The following CLIC5 variants were observed in gnomAD, a reference collection of about 807,000 sequenced individuals.
The protein encoded by CLIC5 is CLIC family member 5, also known as chloride intracellular channel protein 5.
A neutral mutation model predicts 24.7 loss-of-function variants in CLIC5; 20 were observed. The observed-to-expected ratio is 0.81, with a 90% CI of 0.57 to 1.18. CLIC5 has a LOEUF of 1.18. CLIC5 is among the 50% of genes most tolerant of loss of function. The pLI is 0.00. For synonymous variants in CLIC5, 159 were observed against 135.6 expected (o/e 1.17, Z -1.20); for missense variants, 341 against 326.1 (o/e 1.05, Z -0.35).
chr6:46,114,075 C>T, the CLIC5 span, among the ~76,000 whole-genome samples: 5 of 152,166 alleles, frequency 3.3e-5, no homozygotes, highest in African/African-American at 1.2e-4. Context: ...TTTAAAGAGA[C>T]ATTACACTCT....
chr6:46,100,511 GATT>G, the CLIC5 span, among the ~76,000 whole-genome samples: 1 of 152,172 alleles, frequency 6.6e-6, no homozygotes, highest in Non-Finnish European at 1.5e-5. Context: ...ACTAGCTACA[GATT>G]TGCAAACACC....
rs182550594 is a variant in CLIC5, at chr6:45,943,067, G to C, written c.300-1414C>G. 1.9e-3 allele frequency among the ~76,000 whole-genome samples: 289 copies of C among 152,300 alleles called. 9 individuals are homozygous for C. The South Asian group carries it at 0.052, about 27-fold the overall frequency. ...AGGCACTGTTCTATTCCCTTTACAC[G>C]TATTCACCATTTACTCCTCAGAACA... On this transcript the variant is annotated intron_variant, in intron 3 of 5. Coordinates refer to ENST00000339561, the MANE Select transcript of CLIC5 (RefSeq NM_016929.5).
the CLIC5 span, among the ~76,000 whole-genome samples, chr6:46,089,586 C>T: frequency 6.6e-6 from 1 of 152,086 alleles, no homozygotes; most frequent in Non-Finnish European, 1.5e-5. Flanking sequence ...TATCGGGTGA[C>T]ACAAATCCTT....
chr6:45,911,451 G>A (rs911670097), intron 5 of CLIC5, among the ~76,000 whole-genome samples: 1 of 152,196 alleles, frequency 6.6e-6, no homozygotes, highest in Non-Finnish European at 1.5e-5. Flanking sequence ...GTTGGGCCAA[G>A]TTCCTTTGAG....
the CLIC5 span, among the ~76,000 whole-genome samples, chr6:46,104,386 GCA>G: frequency 6.6e-6 from 1 of 152,150 alleles, no homozygotes; most frequent in Non-Finnish European, 1.5e-5. Flanking sequence ...CTTGAGGCCA[GCA>G]CAGTTTCTGT....
intron 5 of CLIC5, among the ~76,000 whole-genome samples, chr6:45,906,864 A>T (rs1243155618): frequency 2.0e-5 from 3 of 152,154 alleles, no homozygotes; most frequent in Non-Finnish European, 4.4e-5. Context: ...GCCCGGCCAC[A>T]TTGACTTTTT....
intron 1 of CLIC5, among the ~76,000 whole-genome samples, chr6:46,074,241 T>A (rs1422709408): frequency 6.6e-5 from 10 of 152,190 alleles, no homozygotes. Context: ...GGTGGTTAGA[T>A]AAAAGTTCAA....
rs1296346414 is a variant in CLIC5 at position 45,901,884 on chromosome 6, C to T, written c.*1204G>A. 6.6e-6 allele frequency: 1 copy of T among 152,352 alleles called. No homozygotes were observed. Among genetic ancestry groups the T allele is most frequent in the African/African-American group, 2.4e-5 (1 of 41,322 alleles). The allele number at this position is 152,352 out of a possible 1,614,324, so 9.4% of individuals were successfully genotyped here. On this transcript the variant is annotated 3_prime_UTR_variant, in exon 6 of 6. Coordinates refer to ENST00000339561, the MANE Select transcript of CLIC5 (RefSeq NM_016929.5). ...CTAGTCAGAAAGTCTCATGGACTTT[C>T]TTCCTAAGGTGTTCTATGATCAGAC...
chr6:46,002,049 T>C (rs1766382709), intron 1 of CLIC5, among the ~76,000 whole-genome samples: 1 of 152,194 alleles, frequency 6.6e-6, no homozygotes, highest in African/African-American at 2.4e-5. Flanking sequence ...AGCAGCTTTA[T>C]TCTCACCTCT....
upstream of CLIC5, among the ~76,000 whole-genome samples, chr6:46,016,143 AAAGGGG>A (rs1397055838): frequency 2.4e-4 from 26 of 106,820 alleles, no homozygotes; most frequent in East Asian, 5.7e-3. Flanking sequence ...GAGGAAGGGG[AAAGGGG>A]AAGGGGAAGA....
At chr6:46,056,612 T>A (rs773425959) in intron 1 of CLIC5, among the ~76,000 whole-genome samples, 9 of 152,066 alleles carry the variant, frequency 5.9e-5, no homozygotes, top group Non-Finnish European at 1.2e-4. Flanking sequence ...GTGGGAGAAC[T>A]TACACTACAG....
intron 4 of CLIC5, chr6:45,937,599 C>T (rs2127360864): frequency 6.6e-6 from 1 of 152,354 alleles, no homozygotes; most frequent in Non-Finnish European, 1.5e-5. Flanking sequence ...ATGACTTTGT[C>T]TCGTTGCCTT....
chr6:46,019,959 T>C (rs972910789), upstream of CLIC5, among the ~76,000 whole-genome samples: 4 of 151,806 alleles, frequency 2.6e-5, no homozygotes, highest in Non-Finnish European at 4.4e-5. Flanking sequence ...GAAAGAGAAA[T>C]ACAGAATTAT....
chr6:46,104,832 T>C, the CLIC5 span, among the ~76,000 whole-genome samples: 1 of 152,186 alleles, frequency 6.6e-6, no homozygotes, highest in African/African-American at 2.4e-5. Flanking sequence ...GAAACAAAGT[T>C]AAAAGCCCTT....
At chr6:45,938,802 CA>C (rs1465493461) in intron 4 of CLIC5, among the ~76,000 whole-genome samples, 2 of 152,104 alleles carry the variant, frequency 1.3e-5, no homozygotes, top group Admixed American at 6.5e-5. Flanking sequence ...GGCACTTTGA[CA>C]AGTATGAAAG....
At chr6:46,080,488 T>C (rs1296233132), upstream of CLIC5, 1 of 461,146 alleles carries the variant, frequency 2.2e-6, no homozygotes, top group Non-Finnish European at 3.8e-6. Flanking sequence ...CCTAAAGATA[T>C]TTTTATTAGA....
chr6:45,912,190 C>T (rs1415778261), intron 5 of CLIC5: 18 of 986,602 alleles, frequency 1.8e-5, no homozygotes, highest in Admixed American at 6.1e-5. Context: ...GCTTCCCCTT[C>T]GCTCTTTGTG....
chr6:46,036,585 C>T (rs1262342610), intron 1 of CLIC5, among the ~76,000 whole-genome samples: 1 of 152,218 alleles, frequency 6.6e-6, no homozygotes, highest in Non-Finnish European at 1.5e-5. Flanking sequence ...GCTGGGATTA[C>T]AGGCGTGAGC....
intron 4 of CLIC5, among the ~76,000 whole-genome samples, chr6:45,923,521 T>C (rs1277059954): frequency 6.6e-6 from 1 of 152,262 alleles, no homozygotes; most frequent in South Asian, 2.1e-4. Flanking sequence ...TTGGTGATTC[T>C]GTGAATATCC....
Sources: gnomAD v4.1 joint callset for allele counts (sites outside exome capture counted in the v4.1 genomes callset) on GRCh38, gnomAD v4.1.1 for gene constraint, MANE v1.5 for transcripts, NCBI Gene and HGNC (gene_info 2026-07-23, HGNC 2026-07-21) for gene names.